Variants in FARP1 observed in about 807,000 individuals in gnomAD.
FARP1 encodes FERM, ARHGEF and pleckstrin domain-containing protein 1.
FARP1 carries 52 observed loss-of-function variants against 128.8 expected under a neutral mutation model. That is an observed-to-expected ratio of 0.40 (90% CI 0.32 to 0.51). The LOEUF is 0.51. Among genes scored for constraint, FARP1 ranks in the 20% least tolerant of loss-of-function variants. The pLI is 0.45. For synonymous variants in FARP1, 580 were observed against 551.8 expected (o/e 1.05, Z -0.72); for missense variants, 1,333 against 1,367.9 (o/e 0.97, Z 0.40).
At chr13:98,244,890 A>C in intron 2 of FARP1, 1 of 1,421,004 alleles carries the variant, frequency 7.0e-7, no homozygotes, top group Non-Finnish European at 9.1e-7. Context: ...GGGCCCATCC[A>C]CTCCTAAACG....
intron 2 of FARP1, among the ~76,000 whole-genome samples, chr13:98,230,279 A>C (rs184374121): frequency 1.9e-4 from 29 of 150,630 alleles, no homozygotes; most frequent in African/African-American, 7.2e-4. Flanking sequence ...CCAGAGAAAC[A>C]TATTTGGTCT....
intron 3 of FARP1, among the ~76,000 whole-genome samples, chr13:98,360,421 G>A (rs941078275): frequency 2.0e-4 from 30 of 152,120 alleles, no homozygotes; most frequent in African/African-American, 7.0e-4. Flanking sequence ...AAGTTAAAGC[G>A]AGGCCCTTGG....
intron 1 of FARP1, among the ~76,000 whole-genome samples, chr13:98,205,082 A>C (rs1880189057): frequency 6.6e-6 from 1 of 152,154 alleles, no homozygotes; most frequent in South Asian, 2.1e-4. Flanking sequence ...GACAATTCTA[A>C]AATTTTGTCC....
At chr13:98,294,704 T>A (rs1032331885) in intron 2 of FARP1, among the ~76,000 whole-genome samples, 1 of 152,138 alleles carries the variant, frequency 6.6e-6, no homozygotes, top group Non-Finnish European at 1.5e-5. Context: ...TGAAAAGCAT[T>A]TTATTCTTCA....
chr13:98,303,958 C>T (rs1886026836), intron 2 of FARP1, among the ~76,000 whole-genome samples: 1 of 152,198 alleles, frequency 6.6e-6, no homozygotes, highest in Non-Finnish European at 1.5e-5. Context: ...TCACTCGTTA[C>T]TTGACCGAAG....
chr13:98,255,108 G>A (rs898233846), intron 2 of FARP1, among the ~76,000 whole-genome samples: 2 of 152,148 alleles, frequency 1.3e-5, no homozygotes, highest in Non-Finnish European at 2.9e-5. Flanking sequence ...TCTCTTTTTA[G>A]GGCCCCTTTG....
At chr13:98,403,752 G>T (rs1195747509) in intron 13 of FARP1, 4 of 152,202 alleles carry the variant, frequency 2.6e-5, no homozygotes, top group African/African-American at 7.2e-5. Context: ...GGCTTCTCCA[G>T]TAACAATGAG....
At chr13:98,353,569 G>A (rs563898301) in intron 3 of FARP1, among the ~76,000 whole-genome samples, 58 of 152,044 alleles carry the variant, frequency 3.8e-4, no homozygotes, top group Non-Finnish European at 8.1e-4. Flanking sequence ...GTAGAGATGG[G>A]GTTTCTCCAT....
chr13:98,344,931 T>C (rs13378514), intron 3 of FARP1, among the ~76,000 whole-genome samples: 16,137 of 152,172 alleles, frequency 0.11, 1,116 homozygotes, highest in African/African-American at 0.19. Flanking sequence ...TCATTCTGCC[T>C]TCTCCTATTC....
intron 26 of FARP1, 174 bp from the exon 27 acceptor site, chr13:98,448,062 C>G: frequency 1.6e-6 from 1 of 642,362 alleles, no homozygotes; most frequent in East Asian, 2.7e-5. Flanking sequence ...CAGTGGGTCT[C>G]CACTGTACCT....
At chr13:98,185,760 C>T (rs537744759) in intron 1 of FARP1, among the ~76,000 whole-genome samples, 2 of 151,940 alleles carry the variant, frequency 1.3e-5, no homozygotes, top group African/African-American at 2.4e-5. Context: ...TGCAGTGGCA[C>T]GATCTCAGCT....
At chr13:98,282,722 G>A (rs112974325) in intron 2 of FARP1, among the ~76,000 whole-genome samples, 4,785 of 152,202 alleles carry the variant, frequency 0.031, 231 homozygotes, top group African/African-American at 0.11. Context: ...GGCTAACATG[G>A]TGAAACCCTG....
intron 13 of FARP1, chr13:98,407,597 C>T (rs1891032465): frequency 6.6e-6 from 1 of 152,164 alleles, no homozygotes; most frequent in Non-Finnish European, 1.5e-5. Flanking sequence ...TATTAAAAAA[C>T]ATGAGGATTT....
At chr13:98,213,160 C>A in intron 1 of FARP1, 60 bp from the exon 2 acceptor site, 1 of 1,431,330 alleles carries the variant, frequency 7.0e-7, no homozygotes, top group South Asian at 1.4e-5. Context: ...CAAGGTGGCA[C>A]ACAGCTTGGG....
At chr13:98,236,154 A>T (rs1594304848) in intron 2 of FARP1, among the ~76,000 whole-genome samples, 1 of 152,204 alleles carries the variant, frequency 6.6e-6, no homozygotes, top group African/African-American at 2.4e-5. Context: ...GCCCGTTTTT[A>T]GAACAAAGAG....
chr13:98,168,002 C>G (rs955006592), intron 1 of FARP1, among the ~76,000 whole-genome samples: 3 of 151,862 alleles, frequency 2.0e-5, no homozygotes, highest in Non-Finnish European at 4.4e-5. Context: ...GAAACCCCGT[C>G]TCTACTAAAA....
intron 21 of FARP1, 45 bp from the exon 22 acceptor site, chr13:98,439,916 G>A: frequency 7.4e-7 from 1 of 1,343,344 alleles, no homozygotes; most frequent in Non-Finnish European, 1.0e-6. Flanking sequence ...ATGTTTGGAA[G>A]TGCATCACGT....
chr13:98,241,397 G>A (rs535328509), intron 2 of FARP1, among the ~76,000 whole-genome samples: 1 of 152,286 alleles, frequency 6.6e-6, no homozygotes, highest in African/African-American at 2.4e-5. Context: ...GCACACGATG[G>A]GGTGGACTCC....
At chr13:98,391,134 G>A (rs965325415) in intron 11 of FARP1, among the ~76,000 whole-genome samples, 1 of 152,162 alleles carries the variant, frequency 6.6e-6, no homozygotes, top group African/African-American at 2.4e-5. Context: ...ACTGGGGAAG[G>A]AGAGAAGGGC....
Sources: allele counts gnomAD v4.1 joint callset (sites outside exome capture counted in the v4.1 genomes callset), GRCh38; gene constraint gnomAD v4.1.1; transcripts MANE v1.5; gene names NCBI Gene and HGNC (gene_info 2026-07-23, HGNC 2026-07-21).